The following APP variants were observed in gnomAD, a reference collection of about 807,000 sequenced individuals.
APP encodes amyloid-beta precursor protein.
APP carries 31 observed loss-of-function variants against 101.4 expected under a neutral mutation model. The ratio of observed to expected loss-of-function variants is 0.31; its 90% CI spans 0.23 to 0.41. The LOEUF is 0.41. Ranked by LOEUF, APP falls within the 10% of genes least tolerant of loss-of-function variation. APP has a pLI of 1.00. For synonymous variants in APP, 366 were observed against 364.4 expected (o/e 1.00, Z -0.05); for missense variants, 839 against 1,003.7 (o/e 0.84, Z 2.22).
chr21:26,165,954 T>C lies in APP; in HGVS notation c.57+4610A>G, dbSNP rs933038220. ...GTGAATTTATTCCTAGAGCAATCAT[T>C]GTACTCCAGTTTTTGCCAGATTTCT... On this transcript the variant is annotated intron_variant, in intron 1 of 17. Coordinates refer to ENST00000346798, the MANE Select transcript of APP (RefSeq NM_000484.4). Among the ~76,000 whole-genome samples, 15 of 152,308 alleles carry C rather than the reference T, an allele frequency of 9.8e-5. No individual in the cohort carries two copies. In the Middle Eastern group the frequency reaches 0.01, roughly 104 times the overall value.
chr21:25,927,890 G>A (rs2039968384), intron 13 of APP, among the ~76,000 whole-genome samples: 1 of 152,168 alleles, frequency 6.6e-6, no homozygotes, highest in Non-Finnish European at 1.5e-5. Context: ...CAGTAATCAA[G>A]ATAAAGACCA....
intron 14 of APP, among the ~76,000 whole-genome samples, chr21:25,909,418 T>C (rs1003245951): frequency 6.6e-6 from 1 of 152,196 alleles, no homozygotes; most frequent in Non-Finnish European, 1.5e-5. Flanking sequence ...AAAATTGTTA[T>C]ACCAGATTCT....
intron 2 of APP, among the ~76,000 whole-genome samples, chr21:26,099,490 C>T (rs552278841): frequency 1.8e-4 from 27 of 152,256 alleles, no homozygotes; most frequent in African/African-American, 6.3e-4. Context: ...CAACTAAAAT[C>T]GATGCCATTT....
intron 1 of APP, among the ~76,000 whole-genome samples, chr21:26,162,765 G>T: frequency 6.8e-6 from 1 of 147,716 alleles, no homozygotes; most frequent in African/African-American, 2.5e-5. Context: ...ATCTTTTATG[G>T]CTGAAAAGTA....
chr21:26,100,603 C>G (rs1446238875), intron 2 of APP, among the ~76,000 whole-genome samples: 1 of 152,174 alleles, frequency 6.6e-6, no homozygotes, highest in Admixed American at 6.5e-5. Context: ...AGAAACAATT[C>G]GTGTCTGGGA....
intron 14 of APP, among the ~76,000 whole-genome samples, chr21:25,908,088 G>A (rs2038881470): frequency 6.6e-6 from 1 of 152,212 alleles, no homozygotes; most frequent in South Asian, 2.1e-4. Context: ...GCTCTTTGTG[G>A]CTGCCCTTCT....
chr21:26,164,398 T>C (rs138449512), intron 1 of APP, among the ~76,000 whole-genome samples: 32 of 152,390 alleles, frequency 2.1e-4, no homozygotes, highest in African/African-American at 7.5e-4. Flanking sequence ...TTGCTGGCAT[T>C]TGAAATCTTC....
intron 1 of APP, among the ~76,000 whole-genome samples, chr21:26,156,170 C>T (rs889668926): frequency 6.6e-6 from 1 of 152,124 alleles, no homozygotes; most frequent in Non-Finnish European, 1.5e-5. Flanking sequence ...TATCTTACTT[C>T]ATAAAAAGAT....
At chr21:26,066,897 C>T (rs555391886) in intron 3 of APP, among the ~76,000 whole-genome samples, 1 of 152,240 alleles carries the variant, frequency 6.6e-6, no homozygotes, top group Admixed American at 6.5e-5. Context: ...ATAAATGCCT[C>T]CTGGCCAGAG....
At chr21:26,099,174 A>G (rs1333024060) in intron 2 of APP, among the ~76,000 whole-genome samples, 2 of 152,162 alleles carry the variant, frequency 1.3e-5, no homozygotes, top group African/African-American at 4.8e-5. Context: ...AAAGGAAAAA[A>G]AAAAAAACCC....
intron 2 of APP, among the ~76,000 whole-genome samples, chr21:26,091,661 C>T (rs1429463757): frequency 7.2e-5 from 11 of 151,944 alleles, no homozygotes; most frequent in Admixed American, 7.2e-4. Flanking sequence ...CTGGAGATGA[C>T]CAACAGGTGG....
intron 13 of APP, chr21:25,942,488 C>T (rs187378715): frequency 6.6e-6 from 1 of 152,306 alleles, no homozygotes; most frequent in African/African-American, 2.4e-5. Context: ...AACGAGACTA[C>T]CAAATGCTAC....
chr21:25,888,349 G>C (rs1194980274), intron 17 of APP, among the ~76,000 whole-genome samples: 1 of 152,178 alleles, frequency 6.6e-6, no homozygotes, highest in Admixed American at 6.5e-5. Flanking sequence ...TCTCACCTGG[G>C]AACATGCCTA....
chr21:25,890,993 A>G (rs1249001517), intron 17 of APP, among the ~76,000 whole-genome samples: 1 of 152,186 alleles, frequency 6.6e-6, no homozygotes, highest in Non-Finnish European at 1.5e-5. Flanking sequence ...CAGTTTCCTA[A>G]AAAGTTGCAT....
chr21:26,103,551 A>T (rs1488877904), intron 2 of APP, among the ~76,000 whole-genome samples: 2 of 152,208 alleles, frequency 1.3e-5, no homozygotes, highest in African/African-American at 4.8e-5. Flanking sequence ...CAGTGGGTTG[A>T]CATCATGCCA....
At chr21:26,149,235 G>C (rs1474320118) in intron 1 of APP, among the ~76,000 whole-genome samples, 5 of 152,220 alleles carry the variant, frequency 3.3e-5, no homozygotes, top group African/African-American at 1.2e-4. Context: ...GCTGGAGGCA[G>C]AGAAGATAAG....
rs748980864 is a variant in APP, at chr21:25,911,836, T to C, written c.1814A>G (p.Glu605Gly). The C allele has an allele frequency of 3.7e-6, 6 of 1,614,118 alleles. No individual in the cohort carries two copies. In the Admixed American group the frequency reaches 6.7e-5, roughly 18 times the overall value. The change falls in exon 14 of 18, where the codon GAG becomes GGG. Residue 605 changes from glutamate (E) to glycine (G), a missense_variant. Coordinates refer to ENST00000346798, the MANE Select transcript of APP (RefSeq NM_000484.4). ...GAACTCTCCATTCACGGGAAGGAGC[T>C]CCACGGTGGTTTTCGTTTCGGTCAA... Reference protein sequence around the residue: ...PSLTETKTTVELLPVNGEFSL... With the variant: ...PSLTETKTTVGLLPVNGEFSL...
intron 13 of APP, among the ~76,000 whole-genome samples, chr21:25,950,969 T>C (rs567514445): frequency 1.3e-5 from 2 of 152,294 alleles, no homozygotes; most frequent in South Asian, 2.1e-4. Context: ...ATGAGTGTTA[T>C]ACACATTGAT....
chr21:26,159,952 C>A lies in APP; in HGVS notation c.57+10612G>T, dbSNP rs1401651500. Among the ~76,000 whole-genome samples, 4 of 152,292 alleles carry A rather than the reference C, an allele frequency of 2.6e-5. No homozygotes were observed. The East Asian group carries it at 7.7e-4, about 29-fold the overall frequency. On this transcript the variant is annotated intron_variant, in intron 1 of 17. Transcript: ENST00000346798. Reference sequence around the variant, plus strand: ...GGAACTACCAAGAAACAAGGAAAGTCAGCCTCCAATTTTGTTCATTTAAGT... The same window carrying A: ...GGAACTACCAAGAAACAAGGAAAGTAAGCCTCCAATTTTGTTCATTTAAGT...
Sources: gnomAD v4.1 joint callset for allele counts (sites outside exome capture counted in the v4.1 genomes callset) on GRCh38, gnomAD v4.1.1 for gene constraint, MANE v1.5 for transcripts, NCBI Gene and HGNC (gene_info 2026-07-23, HGNC 2026-07-21) for gene names.